Variants in RPH3A observed in about 807,000 individuals in gnomAD.
The protein encoded by RPH3A is rabphilin-3A.
In RPH3A, 48 loss-of-function variants were observed where a neutral mutation model predicts 102.2. That is an observed-to-expected ratio of 0.47 (90% CI 0.37 to 0.60). The LOEUF (loss-of-function observed/expected upper bound fraction) is 0.60. Among genes scored for constraint, RPH3A ranks in the 20% least tolerant of loss-of-function variants. The probability of loss-of-function intolerance (pLI) is 0.00; values close to 1 mark genes in which losing one functional copy is unlikely to be tolerated. For synonymous variants in RPH3A, 310 were observed against 324.3 expected, an observed-to-expected ratio of 0.96 and a Z score of 0.47; for missense variants, 781 against 910.1, an observed-to-expected ratio of 0.86 and a Z score of 1.83.
chr12:112,837,829 C>T (rs1277328151), intron 4 of RPH3A: 2 of 455,646 alleles, frequency 4.4e-6, no homozygotes, highest in Admixed American at 2.4e-5. Context: ...TCATCCTCTT[C>T]CCCTCTGTCC....
At chr12:112,788,090 T>C (rs1486493632), upstream of RPH3A, among the ~76,000 whole-genome samples, 2 of 152,166 alleles carry the variant, frequency 1.3e-5, no homozygotes, top group African/African-American at 4.8e-5. Flanking sequence ...AGCTGGTTCT[T>C]TGAACAAAGG....
rs928790893 is a variant in RPH3A at position 112,876,659 on chromosome 12, C to T, written c.964C>T (p.Pro322Ser). The T allele has an allele frequency of 1.9e-6, 3 of 1,611,138 alleles. No individual in the cohort carries two copies. Among genetic ancestry groups the T allele is most frequent in the Admixed American group, 1.7e-5 (1 of 59,662 alleles). ...DQKPEVAPSD[P>S]GTTAPPREER... The stretch of plus-strand genomic sequence containing the variant: ...CCCTGCAGAGGTGGCTCCGAGCGAC[C>T]CTGGGACCACTGCCCCACCCCGAGA... Residue 322 changes from proline (P) to serine (S), a missense_variant, in exon 13 of 22, where the codon CCT becomes TCT. By Grantham distance (74) the Pro-to-Ser change is moderately conservative. Transcript: ENST00000389385.
rs763820841 is a variant in RPH3A, at chr12:112,883,330, G to A, written c.1364G>A (p.Arg455Gln). 23 of 1,613,986 alleles carry A rather than the reference G, an allele frequency of 1.4e-5. No homozygotes were observed. The highest frequency in any genetic ancestry group is 1.9e-5 in the Non-Finnish European group (22 of 1,180,014). ...CGTACAAAAACTCTGCGGAATACCC[G>A]GAACCCCATCTGGAATGAGACCCTC... The part of the protein sequence containing the change: ...KLRTKTLRNT[R>Q]NPIWNETLVY... The change falls in exon 16 of 22, where the codon CGG becomes CAG. Residue 455 changes from arginine to glutamine, a missense_variant. Around this residue, in one of 2 missense-constraint regions of RPH3A, gnomAD observed 730 missense variants for 810.0 expected, o/e 0.90. Transcript: ENST00000389385.
intron 1 of RPH3A, among the ~76,000 whole-genome samples, chr12:112,612,204 G>T (rs951996492): frequency 6.6e-6 from 1 of 152,166 alleles, no homozygotes; most frequent in East Asian, 1.9e-4. Flanking sequence ...ATTACTCCAG[G>T]AGGCCTTTAA....
At chr12:112,747,157 C>T (rs112248039) in intron 1 of RPH3A, among the ~76,000 whole-genome samples, 196 of 152,232 alleles carry the variant, frequency 1.3e-3, no homozygotes, top group Non-Finnish European at 2.3e-3. Context: ...CCTACCATAC[C>T]ACTCCCCACC....
chr12:112,817,096 G>A (rs2041687366), intron 2 of RPH3A, among the ~76,000 whole-genome samples: 1 of 152,128 alleles, frequency 6.6e-6, no homozygotes, highest in Admixed American at 6.5e-5. Context: ...CATACCCTTA[G>A]TCACCTTGCT....
At chr12:112,590,281 G>A (rs2039468213) in intron 1 of RPH3A, among the ~76,000 whole-genome samples, 1 of 152,174 alleles carries the variant, frequency 6.6e-6, no homozygotes, top group African/African-American at 2.4e-5. Flanking sequence ...CACAGCTGGA[G>A]TGGCATTTCA....
At chr12:112,709,021 T>C (rs2040443068) in intron 1 of RPH3A, among the ~76,000 whole-genome samples, 1 of 152,138 alleles carries the variant, frequency 6.6e-6, no homozygotes, top group African/African-American at 2.4e-5. Context: ...TCAAAAAATT[T>C]TCTCTATTTT....
rs549591898 is a variant in RPH3A at position 112,721,764 on chromosome 12, A to G, written c.-139-70379A>G. On this transcript the variant is annotated intron_variant, in intron 1 of 21. Coordinates refer to the RPH3A transcript ENST00000543106. ...TAGCAATGGTAATTGCATTTGAGATATGGCCACATTAGATGTTGTAATCCC... is the reference window on the plus strand; with the variant it reads ...TAGCAATGGTAATTGCATTTGAGATGTGGCCACATTAGATGTTGTAATCCC... Among the ~76,000 whole-genome samples, 3 of 152,138 alleles carry G rather than the reference A, an allele frequency of 2.0e-5. No individual in the cohort carries two copies. The East Asian group carries it at 5.8e-4, about 29-fold the overall frequency.
chr12:112,878,541 A>C (rs552581879), intron 13 of RPH3A, among the ~76,000 whole-genome samples: 1 of 152,362 alleles, frequency 6.6e-6, no homozygotes, highest in Non-Finnish European at 1.5e-5. Flanking sequence ...GAAGAGAGGC[A>C]GTTAACATAC....
intron 1 of RPH3A, among the ~76,000 whole-genome samples, chr12:112,773,030 C>T (rs901203654): frequency 6.6e-6 from 1 of 152,064 alleles, no homozygotes; most frequent in Non-Finnish European, 1.5e-5. Flanking sequence ...TAATAGTCTC[C>T]AATCTCATCC....
At chr12:112,693,434 C>G (rs1326272688) in intron 1 of RPH3A, among the ~76,000 whole-genome samples, 1 of 152,212 alleles carries the variant, frequency 6.6e-6, no homozygotes, top group Non-Finnish European at 1.5e-5. Context: ...GATGCCATTA[C>G]TTACATTTTC....
chr12:112,836,411 C>T, intron 3 of RPH3A, 80 bp from the exon 4 acceptor site: 1 of 781,592 alleles, frequency 1.3e-6, no homozygotes, highest in East Asian at 3.1e-5. Flanking sequence ...GTGTTGCATC[C>T]AGACAGTGTA....
At chr12:112,867,466 C>T (rs1324079850) in intron 7 of RPH3A, among the ~76,000 whole-genome samples, 1 of 152,156 alleles carries the variant, frequency 6.6e-6, no homozygotes, top group Non-Finnish European at 1.5e-5. Flanking sequence ...CTGTCAGGGG[C>T]CTGGCAGGAA....
chr12:112,881,606 A>G (rs2042913642), intron 14 of RPH3A, among the ~76,000 whole-genome samples, 166 bp from the exon 15 acceptor site: 1 of 152,212 alleles, frequency 6.6e-6, no homozygotes, highest in South Asian at 2.1e-4. Flanking sequence ...CTCCCATCCC[A>G]GTACTCTTTC....
chr12:112,800,591 G>A (rs1294929925), intron 2 of RPH3A, among the ~76,000 whole-genome samples: 4 of 152,152 alleles, frequency 2.6e-5, no homozygotes, highest in Admixed American at 1.3e-4. Flanking sequence ...GCAGGAGGTG[G>A]GATGGAAGCC....
intron 1 of RPH3A, among the ~76,000 whole-genome samples, chr12:112,637,124 A>T (rs1172836842): frequency 6.6e-6 from 1 of 152,140 alleles, no homozygotes; most frequent in Non-Finnish European, 1.5e-5. Context: ...ATTTCCAAAC[A>T]TATATAACCG....
chr12:112,646,173 A>G (rs1449976237), intron 1 of RPH3A, among the ~76,000 whole-genome samples: 1 of 152,172 alleles, frequency 6.6e-6, no homozygotes, highest in Non-Finnish European at 1.5e-5. Flanking sequence ...CAAAAGAAAA[A>G]TATCTTGATT....
intron 1 of RPH3A, among the ~76,000 whole-genome samples, chr12:112,735,486 C>G (rs1220059802): frequency 6.6e-6 from 1 of 152,208 alleles, no homozygotes; most frequent in Non-Finnish European, 1.5e-5. Context: ...TCTAGAAATG[C>G]CCCAGGGCAG....
Sources: gnomAD v4.1 joint callset for allele counts (sites outside exome capture counted in the v4.1 genomes callset) on GRCh38, gnomAD v4.1.1 for gene constraint, gnomAD v4.1.1 regional missense constraint, MANE v1.5 for transcripts, NCBI Gene and HGNC (gene_info 2026-07-23, HGNC 2026-07-21) for gene names.